Variants in CFI observed in about 807,000 individuals in gnomAD.
CFI encodes the protein complement factor I, also known as C3B/C4B inactivator.
A neutral mutation model predicts 78.8 loss-of-function variants in CFI; 66 were observed. That is an observed-to-expected ratio of 0.84 (90% CI 0.69 to 1.03). The LOEUF is 1.03. CFI is among the 50% of genes least tolerant of loss of function. CFI has a pLI of 0.00. For synonymous variants in CFI, 250 were observed against 232.6 expected, an observed-to-expected ratio of 1.07 and a Z score of -0.68; for missense variants, 706 against 704.5, an observed-to-expected ratio of 1.00 and a Z score of -0.02.
chr4:109,789,872 T>A lies in CFI; in HGVS notation c.57+12043A>T, dbSNP rs557222431. Among the ~76,000 whole-genome samples the A allele has an allele frequency of 3.3e-5, 5 of 152,176 alleles. No homozygotes were observed. The South Asian group carries it at 8.3e-4, about 25-fold the overall frequency. On this transcript the variant is annotated intron_variant, in intron 1 of 12. Coordinates refer to ENST00000394634, the MANE Select transcript of CFI (RefSeq NM_000204.5). ...TTCCCTCCTCTTTACCTTTTGAAAG[T>A]GTTTGAGAAAAATTAGTGTTAATTC...
intron 1 of CFI, among the ~76,000 whole-genome samples, chr4:109,775,685 T>G (rs1004625061): frequency 6.6e-6 from 1 of 152,204 alleles, no homozygotes; most frequent in African/African-American, 2.4e-5. Context: ...GATCTGAGAA[T>G]GGACAGACTG....
chr4:109,757,695 T>A (rs1015057939), intron 7 of CFI, 68 bp downstream of exon 7: 52 of 1,037,732 alleles, frequency 5.0e-5, no homozygotes, highest in Non-Finnish European at 6.8e-5. Flanking sequence ...TACATTAAAA[T>A]ATAAGACCAA....
chr4:109,766,558 G>A lies in CFI; in HGVS notation c.324C>T (p.Ala108=), dbSNP rs778865118. ...TGAAAACTAGTCTCTTGCTACCTTC[G>A]GCTGTGCATGTTCCGTTATTTAAAA... ...TKFLNNGTCT[A]EGKFSVSLKH... is the part of the protein sequence containing the mutation. The change falls in exon 2 of 13, where the codon GCC becomes GCT. Residue 108 remains alanine, a synonymous_variant. Coordinates refer to ENST00000394634, the MANE Select transcript of CFI (RefSeq NM_000204.5). 5.0e-6 allele frequency: 8 copies of A among 1,613,902 alleles called. No homozygotes were observed. The highest frequency in any genetic ancestry group is 6.8e-6 in the Non-Finnish European group (8 of 1,179,952).
chr4:109,744,173 A>T (rs1438892016), intron 11 of CFI, among the ~76,000 whole-genome samples: 1 of 152,234 alleles, frequency 6.6e-6, no homozygotes, highest in Non-Finnish European at 1.5e-5. Flanking sequence ...ATCTTGATTC[A>T]AATAACCTGA....
chr4:109,782,104 C>A (rs1730123646), intron 1 of CFI, among the ~76,000 whole-genome samples: 3 of 152,238 alleles, frequency 2.0e-5, no homozygotes, highest in Admixed American at 1.3e-4. Context: ...TGGAACAAGA[C>A]AAGGATGCCC....
At chr4:109,753,979 T>C (rs1299825220) in intron 7 of CFI, among the ~76,000 whole-genome samples, 1 of 146,154 alleles carries the variant, frequency 6.8e-6, no homozygotes, top group African/African-American at 2.5e-5. Flanking sequence ...ATATGTATTT[T>C]AAAATATATA....
intron 7 of CFI, among the ~76,000 whole-genome samples, chr4:109,756,885 AAAGGAAAGAAAGAAAGAAAGAAAG>A (rs1726236700): frequency 8.0e-6 from 1 of 125,656 alleles, no homozygotes; most frequent in Non-Finnish European, 1.6e-5. Flanking sequence ...AGAAAGAAAG[AAAGGAAAGAAAGAAAGAAAGAAAG>A]AAAGAAAGAA....
chr4:109,735,966 C>T (rs1181131234), downstream of CFI, among the ~76,000 whole-genome samples: 1 of 152,176 alleles, frequency 6.6e-6, no homozygotes, highest in Non-Finnish European at 1.5e-5. Flanking sequence ...GCTGTGCAAC[C>T]CAGATGTCAG....
intron 7 of CFI, among the ~76,000 whole-genome samples, chr4:109,756,254 A>C (rs1726121442): frequency 6.6e-6 from 1 of 151,348 alleles, no homozygotes; most frequent in Non-Finnish European, 1.5e-5. Flanking sequence ...GGAGCTGAGG[A>C]GTATCATTAA....
the CFI span, among the ~76,000 whole-genome samples, chr4:109,735,546 A>G: frequency 0.014 from 2,199 of 152,304 alleles, 65 homozygotes; most frequent in African/African-American, 0.05. Flanking sequence ...GTATTTTCCA[A>G]TGTCTCACTA....
In CFI at chr4:109,746,427, T is replaced by C. The variant is rs762508070; in HGVS notation, c.1224A>G (p.Val408=). The change falls in exon 11 of 13, where the codon GTA becomes GTG. Residue 408 remains valine (V), a synonymous_variant. Coordinates refer to ENST00000394634, the MANE Select transcript of CFI (RefSeq NM_000204.5). ...DWIHPDLKRI[V]IEYVDRIIFH... is the part of the protein sequence containing the mutation. ...AAATAATTCTATCCACGTATTCAAT[T>C]ACTATACGTTTAAGGTCGGGGTGTA... The C allele has an allele frequency of 8.7e-6, 14 of 1,613,986 alleles. No individual in the cohort carries two copies. The highest frequency in any genetic ancestry group is 1.1e-5 in the Non-Finnish European group (13 of 1,179,880).
intron 1 of CFI, among the ~76,000 whole-genome samples, chr4:109,786,356 A>G (rs1046723087): frequency 3.9e-5 from 6 of 152,118 alleles, no homozygotes; most frequent in Admixed American, 2.0e-4. Flanking sequence ...TGGTATTTGC[A>G]GTGACATAGC....
At chr4:109,765,752 C>T (rs1001885695) in intron 2 of CFI, among the ~76,000 whole-genome samples, 2 of 149,786 alleles carry the variant, frequency 1.3e-5, no homozygotes, top group East Asian at 2.0e-4. Flanking sequence ...GTGGCTCAAG[C>T]GGCCCTTGGA....
At chr4:109,764,434 A>G (rs1727468509) in intron 3 of CFI, 103 bp downstream of exon 3, 1 of 1,289,656 alleles carries the variant, frequency 7.8e-7, no homozygotes, top group Non-Finnish European at 1.1e-6. Flanking sequence ...TAATTTTCTT[A>G]GGTTACACAT....
rs2125838458 is a variant in CFI at position 109,777,800 on chromosome 4, A to C, written c.58-10976T>G. On this transcript the variant is annotated intron_variant, in intron 1 of 12. Coordinates refer to ENST00000394634, the MANE Select transcript of CFI (RefSeq NM_000204.5). ...AAACTGTCTCTCAGACCACAGTGCA[A>C]TCAAACTAGAACTCAGGATTAAGAA... Among the ~76,000 whole-genome samples, 3 of 152,104 alleles carry C rather than the reference A, an allele frequency of 2.0e-5. No individual in the cohort carries two copies. In the Middle Eastern group the frequency reaches 0.01, roughly 517 times the overall value.
chr4:109,792,059 T>G, intron 1 of CFI, among the ~76,000 whole-genome samples: 1 of 152,288 alleles, frequency 6.6e-6, no homozygotes, highest in East Asian at 1.9e-4. Context: ...TTTGTAAAAT[T>G]TATTAAGACT....
intron 1 of CFI, among the ~76,000 whole-genome samples, chr4:109,778,590 T>C (rs1260443245): frequency 7.2e-5 from 11 of 151,876 alleles, no homozygotes; most frequent in African/African-American, 1.9e-4. Flanking sequence ...GAAACTATTC[T>C]AATCAATAGA....
rs956090936 is a variant in CFI, at chr4:109,747,791, C to T, written c.1149-1289G>A. 3.3e-5 allele frequency among the ~76,000 whole-genome samples: 5 copies of T among 152,172 alleles called. No homozygotes were observed. The South Asian group carries it at 8.3e-4, about 25-fold the overall frequency. ...TTTTTCCATGGAACTGTGGAAAACT[C>T]GGGGGAGGAGGGGATGATTTCCGGA... On this transcript the variant is annotated intron_variant, in intron 10 of 12. Coordinates refer to ENST00000394634, the MANE Select transcript of CFI (RefSeq NM_000204.5).
At chr4:109,733,120 C>T in the CFI span, among the ~76,000 whole-genome samples, 10 of 151,880 alleles carry the variant, frequency 6.6e-5, no homozygotes, top group Admixed American at 1.3e-4. Context: ...TACAGGTGCC[C>T]GCCACCACAC....
Sources: allele counts gnomAD v4.1 joint callset (sites outside exome capture counted in the v4.1 genomes callset), GRCh38; gene constraint gnomAD v4.1.1; transcripts MANE v1.5; gene names NCBI Gene and HGNC (gene_info 2026-07-23, HGNC 2026-07-21).